The following GOLGA5 variants were observed in gnomAD, a reference collection of about 807,000 sequenced individuals.
The protein encoded by GOLGA5 is golgin subfamily A member 5.
GOLGA5 carries 50 observed loss-of-function variants against 93.5 expected under a neutral mutation model. The ratio of observed to expected loss-of-function variants is 0.53; its 90% CI spans 0.43 to 0.68. GOLGA5 has a LOEUF of 0.68. Among genes scored for constraint, GOLGA5 ranks in the 30% least tolerant of loss-of-function variants. GOLGA5 has a pLI of 0.00. For synonymous variants in GOLGA5, 312 were observed against 304.5 expected (o/e 1.02, Z -0.26); for missense variants, 760 against 856.4 (o/e 0.89, Z 1.40).
intron 2 of GOLGA5, among the ~76,000 whole-genome samples, chr14:92,798,946 C>T (rs1011264541): frequency 1.3e-5 from 2 of 152,056 alleles, no homozygotes; most frequent in Non-Finnish European, 2.9e-5. Context: ...AGGCAAAAAA[C>T]TTGATAGTAG....
chr14:92,824,479 T>G, intron 8 of GOLGA5, 67 bp from the exon 9 acceptor site: 3 of 749,244 alleles, frequency 4.0e-6, no homozygotes, highest in South Asian at 3.2e-5. Context: ...AGGCACTGAT[T>G]TAGGTACTGA....
At position 92,824,575 on chromosome 14, in the gene GOLGA5, T is replaced by C. The variant is rs1885377892; in HGVS notation, c.1650T>C (p.Tyr550=). 1 of 1,602,578 alleles carries C rather than the reference T, an allele frequency of 6.2e-7. No homozygotes were observed. The highest frequency in any genetic ancestry group is 8.5e-7 in the Non-Finnish European group (1 of 1,171,692). Residue 550 remains tyrosine, a synonymous_variant, in exon 9 of 13, where the codon TAT becomes TAC. Coordinates refer to ENST00000163416, the MANE Select transcript of GOLGA5 (RefSeq NM_005113.4). ...TCCACTATATAGAAGAAGATCTTTA[T>C]CGAACAAAGAACACATTGCAAAGCA... The part of the protein sequence containing the change: ...QEFHYIEEDL[Y]RTKNTLQSRI...
At chr14:92,805,706 A>C (rs1233958799) in intron 2 of GOLGA5, among the ~76,000 whole-genome samples, 2 of 151,996 alleles carry the variant, frequency 1.3e-5, no homozygotes, top group Non-Finnish European at 2.9e-5. Context: ...TTGTGATTTT[A>C]ATTTGCATTT....
chr14:92,806,604 C>T (rs1054494892), intron 2 of GOLGA5, 132 bp from the exon 3 acceptor site: 56 of 644,748 alleles, frequency 8.7e-5, no homozygotes, highest in Non-Finnish European at 8.3e-5. Context: ...TGAGCCACCG[C>T]GCCTAGCTGA....
intron 12 of GOLGA5, among the ~76,000 whole-genome samples, chr14:92,838,450 C>T (rs1885691055): frequency 6.6e-6 from 1 of 152,014 alleles, no homozygotes; most frequent in South Asian, 2.1e-4. Context: ...TCACTGCATT[C>T]TCCACCTCCC....
chr14:92,828,662 A>G, intron 9 of GOLGA5, among the ~76,000 whole-genome samples: 1 of 152,238 alleles, frequency 6.6e-6, no homozygotes, highest in Admixed American at 6.5e-5. Context: ...AATTAAATTA[A>G]TTAATTTATT....
intron 3 of GOLGA5, among the ~76,000 whole-genome samples, chr14:92,808,373 G>T (rs915139058): frequency 6.6e-6 from 1 of 152,200 alleles, no homozygotes; most frequent in Admixed American, 6.5e-5. Context: ...AGTGAGTCAC[G>T]CCTGTAATCC....
intron 9 of GOLGA5, among the ~76,000 whole-genome samples, chr14:92,828,600 A>G (rs1355685708): frequency 6.6e-6 from 1 of 152,246 alleles, no homozygotes; most frequent in Non-Finnish European, 1.5e-5. Flanking sequence ...TGCCAATACA[A>G]TATCCATTTG....
intron 2 of GOLGA5, among the ~76,000 whole-genome samples, chr14:92,803,109 C>T (rs1209771489): frequency 6.6e-6 from 1 of 152,124 alleles, no homozygotes; most frequent in East Asian, 1.9e-4. Flanking sequence ...GATCTCAGCT[C>T]ACTGCAGCCT....
At chr14:92,819,897 C>T (rs1885280908) in intron 8 of GOLGA5, 61 bp downstream of exon 8, 6 of 1,542,256 alleles carry the variant, frequency 3.9e-6, no homozygotes, top group Middle Eastern at 1.7e-4. Context: ...ATGAGCAGAC[C>T]TCCCAGGAAA....
intron 8 of GOLGA5, 21 bp from the exon 9 acceptor site, chr14:92,824,525 T>C: frequency 1.5e-6 from 2 of 1,310,638 alleles, no homozygotes; most frequent in South Asian, 2.4e-5. Flanking sequence ...GCTTCTGTTT[T>C]GTTTGTGCCT....
chr14:92,810,418 ACGG>A (rs1322896553), intron 5 of GOLGA5, 41 bp downstream of exon 5: 2 of 1,468,396 alleles, frequency 1.4e-6, no homozygotes, highest in Admixed American at 2.5e-5. Flanking sequence ...TTACTTGGAC[ACGG>A]AAAAAATGAC....
At chr14:92,815,859 A>C (rs1885192939) in intron 6 of GOLGA5, among the ~76,000 whole-genome samples, 1 of 151,866 alleles carries the variant, frequency 6.6e-6, no homozygotes. Flanking sequence ...ACCTGCCACC[A>C]TGCCTGGCTA....
chr14:92,835,007 T>G (rs1036561562), intron 10 of GOLGA5, among the ~76,000 whole-genome samples: 6 of 152,136 alleles, frequency 3.9e-5, no homozygotes, highest in African/African-American at 1.4e-4. Flanking sequence ...GTCAAGAGTT[T>G]TGGCCTGAGC....
chr14:92,806,104 A>G (rs1321065547), intron 2 of GOLGA5, among the ~76,000 whole-genome samples: 1 of 151,756 alleles, frequency 6.6e-6, no homozygotes, highest in Admixed American at 6.6e-5. Flanking sequence ...TTTTTTTCCC[A>G]AAAGCATTTT....
chr14:92,819,849 G>T lies in GOLGA5; in HGVS notation c.1620+13G>T. ...GCGACTGAAGCAGGTCAGGATTTGA[G>T]ATTGATGACTTCTGAGACTCTGTCC... On this transcript the variant is annotated intron_variant, in intron 8 of 12. Transcript: ENST00000163416. 3 of 1,612,558 alleles carry T rather than the reference G, an allele frequency of 1.9e-6. No homozygotes were observed. Among genetic ancestry groups the T allele is most frequent in the Non-Finnish European group, 1.7e-6 (2 of 1,179,236 alleles).
intron 9 of GOLGA5, among the ~76,000 whole-genome samples, chr14:92,825,522 T>C (rs373292477): frequency 3.2e-4 from 49 of 152,286 alleles, no homozygotes; most frequent in African/African-American, 1.2e-3. Context: ...TTACTAAATA[T>C]TTATTGAGTA....
chr14:92,836,718 A>G (rs1885649183), intron 11 of GOLGA5, among the ~76,000 whole-genome samples: 1 of 152,158 alleles, frequency 6.6e-6, no homozygotes, highest in African/African-American at 2.4e-5. Flanking sequence ...TTTTTTCCCC[A>G]GTCACATAGT....
intron 1 of GOLGA5, among the ~76,000 whole-genome samples, chr14:92,795,740 C>T (rs1403232979): frequency 2.6e-5 from 4 of 151,696 alleles, no homozygotes; most frequent in African/African-American, 7.3e-5. Flanking sequence ...TAAAAAAATA[C>T]GTAATTATAA....
Sources: gnomAD v4.1 joint callset for allele counts (sites outside exome capture counted in the v4.1 genomes callset) on GRCh38, gnomAD v4.1.1 for gene constraint, MANE v1.5 for transcripts, NCBI Gene and HGNC (gene_info 2026-07-23, HGNC 2026-07-21) for gene names.